ITPR1: variants seen among roughly 807,000 people sequenced by gnomAD.
ITPR1 encodes the protein inositol 1,4,5-trisphosphate receptor type 1.
ITPR1 carries 96 observed loss-of-function variants against 318.4 expected under a neutral mutation model. The ratio of observed to expected loss-of-function variants is 0.30; its 90% CI spans 0.26 to 0.36. The LOEUF (loss-of-function observed/expected upper bound fraction) is 0.36, where lower values mean the gene tolerates loss of function less well. Among genes scored for constraint, ITPR1 ranks in the 10% least tolerant of loss-of-function variants. ITPR1 has a pLI of 1.00. For missense variants in ITPR1, 2,440 were observed against 3,460.2 expected, an observed-to-expected ratio of 0.71 and a Z score of 7.40; for synonymous variants, 1,312 against 1,289.9, an observed-to-expected ratio of 1.02 and a Z score of -0.37.
chr3:4,586,507 C>CTTTTT (rs34188022), intron 4 of ITPR1, among the ~76,000 whole-genome samples: 1 of 104,804 alleles, frequency 9.5e-6, no homozygotes, highest in African/African-American at 3.3e-5. Flanking sequence ...GCCTTGAGTG[C>CTTTTT]TTTTTTTTTT....
chr3:4,561,481 C>A (rs2086666929), intron 4 of ITPR1, among the ~76,000 whole-genome samples: 3 of 152,122 alleles, frequency 2.0e-5, no homozygotes, highest in Non-Finnish European at 4.4e-5. Flanking sequence ...TTTGCAAATA[C>A]ATAATTTTAT....
At chr3:4,502,701 A>G (rs1333732148) in intron 2 of ITPR1, among the ~76,000 whole-genome samples, 1 of 151,856 alleles carries the variant, frequency 6.6e-6, no homozygotes, top group East Asian at 1.9e-4. Context: ...GGCCTCCCGA[A>G]GTGCTGGGAT....
At chr3:4,636,889 G>A (rs1333787174) in intron 5 of ITPR1, among the ~76,000 whole-genome samples, 1 of 152,232 alleles carries the variant, frequency 6.6e-6, no homozygotes, top group Non-Finnish European at 1.5e-5. Context: ...ATGCCTTCTT[G>A]ATGGTTAATT....
At chr3:4,590,797 G>A (rs2090337657) in intron 4 of ITPR1, among the ~76,000 whole-genome samples, 1 of 151,862 alleles carries the variant, frequency 6.6e-6, no homozygotes, top group African/African-American at 2.4e-5. Flanking sequence ...GTGTCACGGG[G>A]GTTTGTTGTA....
intron 4 of ITPR1, among the ~76,000 whole-genome samples, chr3:4,531,808 G>A (rs150473590): frequency 9.3e-4 from 142 of 152,108 alleles, no homozygotes; most frequent in African/African-American, 3.3e-3. Context: ...ATCTCCTCTG[G>A]GGCACCTTTA....
intron 10 of ITPR1, chr3:4,646,134 A>C (rs1435316394): frequency 5.3e-6 from 1 of 187,262 alleles, no homozygotes; most frequent in Non-Finnish European, 1.1e-5. Context: ...ATATTTAACC[A>C]GGTGTCTACC....
intron 60 of ITPR1, chr3:4,831,129 T>TCACACACACA (rs879055532): frequency 1.2e-3 from 392 of 325,322 alleles, no homozygotes; most frequent in African/African-American, 2.5e-3. Flanking sequence ...TCTCTCTCTC[T>TCACACACACA]CTCACACACA....
chr3:4,743,008 G>T (rs1255110719), intron 44 of ITPR1, among the ~76,000 whole-genome samples: 1 of 152,196 alleles, frequency 6.6e-6, no homozygotes, highest in Non-Finnish European at 1.5e-5. Context: ...AGGTTATTTA[G>T]GTTGGTGCAA....
chr3:4,731,160 T>C (rs2042901965), intron 42 of ITPR1, among the ~76,000 whole-genome samples: 1 of 152,256 alleles, frequency 6.6e-6, no homozygotes, highest in African/African-American at 2.4e-5. Context: ...CTTTCTTGAA[T>C]GTAGCTTTCA....
chr3:4,555,084 G>T (rs1301230920), intron 4 of ITPR1, among the ~76,000 whole-genome samples: 3 of 152,126 alleles, frequency 2.0e-5, no homozygotes, highest in Admixed American at 6.5e-5. Flanking sequence ...ATGTTCCATA[G>T]GGCTTCTAAT....
intron 39 of ITPR1, among the ~76,000 whole-genome samples, chr3:4,713,012 G>A (rs1429214160): frequency 6.6e-6 from 1 of 152,122 alleles, no homozygotes; most frequent in Non-Finnish European, 1.5e-5. Context: ...CCCTGGCAAG[G>A]TGAGAAGTGC....
rs77109653 is a variant in ITPR1 at position 4,728,997 on chromosome 3, G to A, written c.5220+1824G>A. On this transcript the variant is annotated intron_variant, in intron 42 of 61. Coordinates refer to ENST00000649015, the MANE Select transcript of ITPR1 (RefSeq NM_001378452.1). The stretch of plus-strand genomic sequence containing the variant: ...CTGTATCTCCTGCACTTCATGGCCC[G>A]AGGCACCTTGCATTCTTATATTTTC... Among the ~76,000 whole-genome samples the A allele has an allele frequency of 0.011, 1,665 of 152,242 alleles. 55 individuals carry two copies. The East Asian group carries it at 0.12, about 11-fold the overall frequency.
intron 4 of ITPR1, among the ~76,000 whole-genome samples, chr3:4,599,376 C>T (rs1270020101): frequency 1.3e-5 from 2 of 152,160 alleles, no homozygotes; most frequent in Non-Finnish European, 2.9e-5. Context: ...TTGGTTTACC[C>T]TTACAGTTTG....
chr3:4,547,622 C>T (rs2085150706), intron 4 of ITPR1, among the ~76,000 whole-genome samples: 1 of 152,232 alleles, frequency 6.6e-6, no homozygotes, highest in African/African-American at 2.4e-5. Context: ...ACCTTTGGAA[C>T]TTAGTTACTT....
chr3:4,818,747 A>C (rs887192530), intron 60 of ITPR1, among the ~76,000 whole-genome samples: 1 of 152,060 alleles, frequency 6.6e-6, no homozygotes, highest in African/African-American at 2.4e-5. Context: ...ATGATGGAGG[A>C]ATTTGAGTTC....
chr3:4,623,568 T>C (rs1158651754), intron 4 of ITPR1, among the ~76,000 whole-genome samples: 1 of 152,202 alleles, frequency 6.6e-6, no homozygotes, highest in Non-Finnish European at 1.5e-5. Context: ...TTAAATATAT[T>C]CTTCTGGTTT....
chr3:4,829,804 C>A (rs567798696), intron 60 of ITPR1, among the ~76,000 whole-genome samples: 2 of 152,196 alleles, frequency 1.3e-5, no homozygotes, highest in African/African-American at 4.8e-5. Context: ...TAGAATATCA[C>A]ACAGAATAGT....
intron 4 of ITPR1, among the ~76,000 whole-genome samples, chr3:4,578,157 G>GTA (rs2088886718): frequency 6.6e-6 from 1 of 152,206 alleles, no homozygotes; most frequent in Non-Finnish European, 1.5e-5. Context: ...GCTTTTTAAA[G>GTA]GTTGTAAGTG....
At chr3:4,813,599 C>T (rs942618955) in intron 57 of ITPR1, among the ~76,000 whole-genome samples, 4 of 151,994 alleles carry the variant, frequency 2.6e-5, no homozygotes, top group Admixed American at 2.0e-4. Context: ...CTGGGCTAAG[C>T]GTATCATCAA....
Sources: allele counts gnomAD v4.1 joint callset (sites outside exome capture counted in the v4.1 genomes callset), GRCh38; gene constraint gnomAD v4.1.1; transcripts MANE v1.5; gene names NCBI Gene and HGNC (gene_info 2026-07-23, HGNC 2026-07-21).